Variants in MAGI2 observed in about 807,000 individuals in gnomAD.
MAGI2 encodes membrane associated guanylate kinase, WW and PDZ domain containing 2, also known as membrane-associated guanylate kinase, WW and PDZ domain-containing protein 2.
In MAGI2, 35 loss-of-function variants were observed where a neutral mutation model predicts 133.3. The observed-to-expected ratio is 0.26, with a 90% CI of 0.20 to 0.35. The LOEUF (loss-of-function observed/expected upper bound fraction) is 0.35, where lower values mean the gene tolerates loss of function less well. MAGI2 is among the 10% of genes least tolerant of loss of function. MAGI2 has a pLI of 1.00. For missense variants in MAGI2, 1,636 were observed against 1,863.4 expected, an observed-to-expected ratio of 0.88 and a Z score of 2.25; for synonymous variants, 729 against 710.6, an observed-to-expected ratio of 1.03 and a Z score of -0.41.
At chr7:78,345,867 G>A in intron 8 of MAGI2, 55 bp downstream of exon 8, 1 of 1,601,192 alleles carries the variant, frequency 6.2e-7, no homozygotes, top group Non-Finnish European at 8.5e-7. Flanking sequence ...GGAAGAGCAG[G>A]CAGTTTGACA....
intron 9 of MAGI2, among the ~76,000 whole-genome samples, chr7:78,284,488 A>G (rs1181974555): frequency 1.3e-5 from 2 of 149,564 alleles, no homozygotes; most frequent in Non-Finnish European, 3.0e-5. Context: ...CTTCATTTCC[A>G]GTCTGAAGAA....
intron 9 of MAGI2, among the ~76,000 whole-genome samples, chr7:78,257,321 A>G (rs935516049): frequency 6.6e-6 from 1 of 152,242 alleles, no homozygotes; most frequent in African/African-American, 2.4e-5. Context: ...TGCTCAATAA[A>G]TGTGGACTAT....
chr7:79,217,442 T>C (rs1830108815), intron 1 of MAGI2, among the ~76,000 whole-genome samples: 1 of 152,110 alleles, frequency 6.6e-6, no homozygotes, highest in Non-Finnish European at 1.5e-5. Context: ...ATGGTAGGTA[T>C]TGTTCTAAGA....
chr7:78,296,651 G>A (rs1024503192), intron 9 of MAGI2, among the ~76,000 whole-genome samples: 3 of 152,106 alleles, frequency 2.0e-5, no homozygotes, highest in Admixed American at 2.0e-4. Flanking sequence ...GAATATAGAA[G>A]CATTTATTAG....
intron 16 of MAGI2, among the ~76,000 whole-genome samples, chr7:78,139,898 C>T (rs1822569089): frequency 1.3e-5 from 2 of 152,178 alleles, no homozygotes; most frequent in South Asian, 2.1e-4. Flanking sequence ...TTTATATTTT[C>T]CCATAGATGA....
chr7:78,427,612 T>A (rs985504946), intron 6 of MAGI2, among the ~76,000 whole-genome samples: 33 of 143,130 alleles, frequency 2.3e-4, no homozygotes, highest in Non-Finnish European at 3.8e-4. Context: ...ATAATCATAG[T>A]GAAAGATTTT....
chr7:78,870,234 C>A (rs1453540888), intron 2 of MAGI2, among the ~76,000 whole-genome samples: 1 of 151,718 alleles, frequency 6.6e-6, no homozygotes, highest in African/African-American at 2.4e-5. Flanking sequence ...CCTGTCCCAG[C>A]TACTTGGGAG....
chr7:78,973,503 T>C (rs1300319706), intron 2 of MAGI2, among the ~76,000 whole-genome samples: 1 of 151,874 alleles, frequency 6.6e-6, no homozygotes, highest in Non-Finnish European at 1.5e-5. Flanking sequence ...TAAGTTGTAA[T>C]TATAGATTCA....
chr7:78,856,604 G>T (rs903105387), intron 2 of MAGI2, among the ~76,000 whole-genome samples: 2 of 152,050 alleles, frequency 1.3e-5, no homozygotes, highest in African/African-American at 2.4e-5. Context: ...CTGTTCCATT[G>T]GTCTATATCT....
At chr7:78,125,221 A>T (rs1035752333) in intron 20 of MAGI2, among the ~76,000 whole-genome samples, 6 of 152,048 alleles carry the variant, frequency 3.9e-5, no homozygotes, top group Admixed American at 2.0e-4. Context: ...TTTTACTCCT[A>T]ATGCTTCTGT....
chr7:79,122,687 C>G (rs1355387966), intron 1 of MAGI2, among the ~76,000 whole-genome samples: 1 of 151,002 alleles, frequency 6.6e-6, no homozygotes. Context: ...TCTTGTTGCC[C>G]AGGCTGGAGT....
At chr7:78,436,051 G>A (rs536453185) in intron 6 of MAGI2, among the ~76,000 whole-genome samples, 2 of 152,258 alleles carry the variant, frequency 1.3e-5, no homozygotes, top group Non-Finnish European at 2.9e-5. Context: ...TCCGGGGTGA[G>A]TGCATCAGTT....
intron 2 of MAGI2, among the ~76,000 whole-genome samples, chr7:78,716,666 T>A (rs976892676): frequency 6.6e-6 from 1 of 152,202 alleles, no homozygotes; most frequent in East Asian, 1.9e-4. Flanking sequence ...TGGAAATGTG[T>A]TTATCATGTG....
At chr7:79,124,740 A>C (rs1393167478) in intron 1 of MAGI2, 1 of 155,114 alleles carries the variant, frequency 6.4e-6, no homozygotes, top group Non-Finnish European at 1.4e-5. Flanking sequence ...AGTGCAAGTC[A>C]GTCTCCTAAA....
chr7:78,810,406 G>A (rs907440075), intron 2 of MAGI2, among the ~76,000 whole-genome samples: 3 of 152,082 alleles, frequency 2.0e-5, no homozygotes, highest in African/African-American at 7.2e-5. Flanking sequence ...AAATTCACTT[G>A]CCAAAGTATA....
intron 6 of MAGI2, among the ~76,000 whole-genome samples, chr7:78,438,381 C>T (rs1386333855): frequency 1.3e-5 from 2 of 152,048 alleles, no homozygotes; most frequent in Non-Finnish European, 2.9e-5. Flanking sequence ...TTTAGGCACT[C>T]TACATCATCT....
At chr7:78,713,513 T>G (rs965852554) in intron 2 of MAGI2, among the ~76,000 whole-genome samples, 2 of 152,140 alleles carry the variant, frequency 1.3e-5, no homozygotes, top group African/African-American at 4.8e-5. Context: ...TATCAAGGAA[T>G]TCATTGACAG....
In MAGI2 at chr7:79,168,501, T is replaced by C. The variant is rs1347112281; in HGVS notation, c.302-161295A>G. 5.9e-5 allele frequency among the ~76,000 whole-genome samples: 9 copies of C among 152,234 alleles called. No individual in the cohort carries two copies. The East Asian group carries it at 1.7e-3, about 30-fold the overall frequency. ...TTCCTAATTGTCCCTGAAAGGTCTTTAGCTATTTTACTTCTTGTATAAGCT... is the reference window on the plus strand; with the variant it reads ...TTCCTAATTGTCCCTGAAAGGTCTTCAGCTATTTTACTTCTTGTATAAGCT... On this transcript the variant is annotated intron_variant, in intron 1 of 21. Coordinates refer to ENST00000354212, the MANE Select transcript of MAGI2 (RefSeq NM_012301.4).
chr7:79,012,436 C>T (rs1162951206), intron 1 of MAGI2, among the ~76,000 whole-genome samples: 1 of 152,106 alleles, frequency 6.6e-6, no homozygotes, highest in Non-Finnish European at 1.5e-5. Context: ...CGCATTATAA[C>T]AGGCCAAACT....
Sources: gnomAD v4.1 joint callset for allele counts (sites outside exome capture counted in the v4.1 genomes callset) on GRCh38, gnomAD v4.1.1 for gene constraint, MANE v1.5 for transcripts, NCBI Gene and HGNC (gene_info 2026-07-23, HGNC 2026-07-21) for gene names.